Variants in CFAP20DC observed in about 807,000 individuals in gnomAD.
CFAP20DC encodes the protein CFAP20 domain containing.
A neutral mutation model predicts 101.7 loss-of-function variants in CFAP20DC; 84 were observed. That is an observed-to-expected ratio of 0.83 (90% confidence interval 0.69 to 0.99). The LOEUF (loss-of-function observed/expected upper bound fraction) is 0.99. Ranked by LOEUF, CFAP20DC falls within the 50% of genes least tolerant of loss-of-function variation. The pLI, the probability that CFAP20DC is intolerant of heterozygous loss-of-function variation, is 0.00. For missense variants in CFAP20DC, 1,007 were observed against 970.3 expected (o/e 1.04, Z -0.50); for synonymous variants, 359 against 351.2 (o/e 1.02, Z -0.25).
intron 4 of CFAP20DC, among the ~76,000 whole-genome samples, chr3:59,039,160 A>G (rs748408854): frequency 8.0e-4 from 122 of 152,212 alleles, no homozygotes; most frequent in Non-Finnish European, 1.0e-3. Context: ...GACAAAGTAA[A>G]TATTATTAAA....
At chr3:58,978,091 C>A (rs2092357037) in intron 4 of CFAP20DC, among the ~76,000 whole-genome samples, 1 of 152,136 alleles carries the variant, frequency 6.6e-6, no homozygotes, top group Non-Finnish European at 1.5e-5. Flanking sequence ...GCCTGCATAG[C>A]TCTTTGTTCC....
Position 59,001,453 on chromosome 3 carries a change from G to A in CFAP20DC, c.278+38104C>T. 6.6e-6 allele frequency among the ~76,000 whole-genome samples: 1 copy of A among 152,084 alleles called. No individual in the cohort carries two copies. Among genetic ancestry groups the A allele is most frequent in the Non-Finnish European group, 1.5e-5 (1 of 68,018 alleles). ...AAGTTTCACACTTATTGTCCAGGCT[G>A]GAGTGCAATGGCTCAATCTCAGCCT... On this transcript the variant is annotated intron_variant, in intron 4 of 16. Coordinates refer to ENST00000482387, the MANE Select transcript of CFAP20DC (RefSeq NM_001394063.1). This position sits in a 1 kb window ranked among gnomAD's most constrained non-coding sequence, Gnocchi z 4.5.
intron 15 of CFAP20DC, among the ~76,000 whole-genome samples, chr3:58,800,040 A>G (rs554769475): frequency 6.6e-6 from 1 of 152,272 alleles, no homozygotes; most frequent in South Asian, 2.1e-4. Flanking sequence ...GTAGAGATCG[A>G]GCAAGGTGCT....
At position 58,899,241 on chromosome 3, in the gene CFAP20DC, C is replaced by T. The variant is rs557422117; in HGVS notation, c.550+14467G>A. ...GCAGCTGTGCTGCGTTGTGGGAGAC[C>T]CTTCCTTGTCCAGGCTGTCTGGACT... On this transcript the variant is annotated intron_variant, in intron 6 of 16. Transcript: ENST00000482387. The surrounding 1 kb of genome is among the most constrained non-coding windows in gnomAD (Gnocchi z 5.0). 8.5e-5 allele frequency among the ~76,000 whole-genome samples: 13 copies of T among 152,186 alleles called. No individual in the cohort carries two copies. Among genetic ancestry groups the T allele is most frequent in the Non-Finnish European group, 8.8e-5 (6 of 68,030 alleles).
At chr3:58,782,512 T>C (rs958629749) in intron 15 of CFAP20DC, among the ~76,000 whole-genome samples, 10 of 152,100 alleles carry the variant, frequency 6.6e-5, no homozygotes, top group Admixed American at 5.9e-4. Context: ...GCTAATGATA[T>C]AATCTTAACT....
At chr3:58,934,640 T>C (rs2087255968) in intron 5 of CFAP20DC, among the ~76,000 whole-genome samples, 1 of 152,118 alleles carries the variant, frequency 6.6e-6, no homozygotes, top group African/African-American at 2.4e-5. Flanking sequence ...ATAAATGTAA[T>C]CCAGCATATA....
chr3:58,911,952 G>A (rs1160187149), intron 6 of CFAP20DC, among the ~76,000 whole-genome samples: 8 of 152,024 alleles, frequency 5.3e-5, no homozygotes, highest in African/African-American at 1.7e-4. Flanking sequence ...ATGTAAAGCT[G>A]CAAATTCTTG....
At chr3:58,852,833 C>G (rs983183556) in intron 12 of CFAP20DC, among the ~76,000 whole-genome samples, 1 of 150,704 alleles carries the variant, frequency 6.6e-6, no homozygotes, top group Admixed American at 6.6e-5. Context: ...GCATTCAAAG[C>G]AGTGTGTAGA....
chr3:58,971,857 GCACACATACA>G lies in CFAP20DC; in HGVS notation c.279-34105_279-34096del, dbSNP rs2091966744. Among the ~76,000 whole-genome samples, 3 of 138,268 alleles carry G rather than the reference GCACACATACA, an allele frequency of 2.2e-5. No individual in the cohort carries two copies. The highest frequency in any genetic ancestry group is 2.1e-4 in the Admixed American group (3 of 14,402). The allele number at this position is 138,268 out of a possible 152,430, so 90.7% of individuals were successfully genotyped here. A position where few individuals can be genotyped will look rare whatever the true frequency, so the allele number is the denominator to read the frequency against. ...AAAAGGACTGTAATATCATACACAC[GCACACATACA>G]CACACACACACACACACACACACAC... On this transcript the variant is annotated intron_variant, in intron 4 of 16. Transcript: ENST00000482387. The surrounding 1 kb of genome is among the most constrained non-coding windows in gnomAD (Gnocchi z 4.1).
intron 15 of CFAP20DC, among the ~76,000 whole-genome samples, chr3:58,801,881 A>G (rs2073737314): frequency 6.6e-6 from 1 of 152,252 alleles, no homozygotes; most frequent in South Asian, 2.1e-4. Context: ...AAAACTACAG[A>G]TAAGTGACAA....
rs1237409384 is a variant in CFAP20DC, at chr3:58,788,371, G to A, written c.2237+18024C>T. Among the ~76,000 whole-genome samples the A allele has an allele frequency of 6.6e-6, 1 of 152,096 alleles. No homozygotes were observed. The highest frequency in any genetic ancestry group is 2.4e-5 in the African/African-American group (1 of 41,400). On this transcript the variant is annotated intron_variant, in intron 15 of 16. Coordinates refer to ENST00000482387, the MANE Select transcript of CFAP20DC (RefSeq NM_001394063.1). The surrounding 1 kb of genome is among the most constrained non-coding windows in gnomAD (Gnocchi z 4.2). ...GTTACCGGGGAAATCCTATTGGTGA[G>A]AATCCACAGACATTTTTGAGCTTCT...
At chr3:58,854,114 G>A (rs1559711193) in intron 12 of CFAP20DC, among the ~76,000 whole-genome samples, 1 of 152,166 alleles carries the variant, frequency 6.6e-6, no homozygotes, top group Non-Finnish European at 1.5e-5. Flanking sequence ...ATCTCCTTAA[G>A]CTGATGAACA....
intron 4 of CFAP20DC, among the ~76,000 whole-genome samples, chr3:58,974,648 G>T (rs574936598): frequency 6.6e-6 from 1 of 151,988 alleles, no homozygotes; most frequent in Non-Finnish European, 1.5e-5. Flanking sequence ...TTAAATGCCC[G>T]TCCCATCCCA....
intron 14 of CFAP20DC, among the ~76,000 whole-genome samples, chr3:58,814,912 C>G (rs376259609): frequency 6.7e-6 from 1 of 149,800 alleles, no homozygotes; most frequent in Admixed American, 6.6e-5. Flanking sequence ...GAATCAATAT[C>G]GTGAAAATGG....
At chr3:58,763,113 G>C (rs1439146035) in intron 15 of CFAP20DC, among the ~76,000 whole-genome samples, 4 of 152,080 alleles carry the variant, frequency 2.6e-5, no homozygotes, top group African/African-American at 4.8e-5. Flanking sequence ...AGTTCTCCTG[G>C]ATAATATCCT....
chr3:58,853,157 C>T (rs911809788), intron 12 of CFAP20DC, among the ~76,000 whole-genome samples: 4 of 152,096 alleles, frequency 2.6e-5, no homozygotes, highest in African/African-American at 9.7e-5. Flanking sequence ...GGGATATCAC[C>T]ACTGATCCCA....
intron 15 of CFAP20DC, among the ~76,000 whole-genome samples, chr3:58,768,439 G>T (rs928868574): frequency 4.6e-5 from 7 of 152,182 alleles, no homozygotes; most frequent in African/African-American, 1.4e-4. Flanking sequence ...ACACGAGCGG[G>T]AATCTGAGGT....
At chr3:58,963,851 AG>A (rs1489123305) in intron 4 of CFAP20DC, among the ~76,000 whole-genome samples, 1 of 152,202 alleles carries the variant, frequency 6.6e-6, no homozygotes, top group Non-Finnish European at 1.5e-5. Flanking sequence ...ATGACAGGAC[AG>A]GAGGTCAGAC....
intron 6 of CFAP20DC, among the ~76,000 whole-genome samples, chr3:58,888,244 T>A (rs1250592935): frequency 6.6e-6 from 1 of 152,234 alleles, no homozygotes; most frequent in Non-Finnish European, 1.5e-5. Flanking sequence ...TATTTACTCA[T>A]TGTGTCATTC....
Sources: allele counts gnomAD v4.1 joint callset (sites outside exome capture counted in the v4.1 genomes callset), GRCh38; gene constraint gnomAD v4.1.1; non-coding constraint Gnocchi (gnomAD v3.1); transcripts MANE v1.5; gene names NCBI Gene and HGNC (gene_info 2026-07-23, HGNC 2026-07-21).